The following SCARA3 variants were observed in gnomAD, a reference collection of about 807,000 sequenced individuals.
SCARA3 encodes the protein cellular stress response gene protein.
A neutral mutation model predicts 47.0 loss-of-function variants in SCARA3; 39 were observed. The observed-to-expected ratio is 0.83, with a 90% CI of 0.64 to 1.08. The LOEUF is 1.08. Among genes scored for constraint, SCARA3 ranks in the 50% least tolerant of loss-of-function variants. SCARA3 has a pLI of 0.00. For missense variants in SCARA3, 724 were observed against 792.3 expected, an observed-to-expected ratio of 0.91 and a Z score of 1.04; for synonymous variants, 356 against 334.1, an observed-to-expected ratio of 1.07 and a Z score of -0.71.
At chr8:27,652,572 C>T (rs530056610) in intron 3 of SCARA3, among the ~76,000 whole-genome samples, 1 of 152,326 alleles carries the variant, frequency 6.6e-6, no homozygotes, top group South Asian at 2.1e-4. Flanking sequence ...CTCGTCCTGG[C>T]CCTGGCTGGA....
the SCARA3 span, among the ~76,000 whole-genome samples, chr8:27,720,499 G>A: frequency 1.3e-5 from 2 of 152,032 alleles, no homozygotes; most frequent in African/African-American, 4.8e-5. Flanking sequence ...TATGCATGTG[G>A]GGCTTCAGAA....
At chr8:27,683,604 T>G in the SCARA3 span, among the ~76,000 whole-genome samples, 1 of 152,130 alleles carries the variant, frequency 6.6e-6, no homozygotes, top group Non-Finnish European at 1.5e-5. Context: ...CTTATGAAGG[T>G]AAACACCCAT....
the SCARA3 span, among the ~76,000 whole-genome samples, chr8:27,732,884 A>G: frequency 1.3e-5 from 2 of 152,202 alleles, no homozygotes; most frequent in African/African-American, 4.8e-5. Context: ...CATTCTCACA[A>G]TAGTGTAAAC....
intron 5 of SCARA3, among the ~76,000 whole-genome samples, chr8:27,665,016 C>A (rs1037065975): frequency 4.6e-5 from 7 of 152,200 alleles, no homozygotes; most frequent in Admixed American, 4.6e-4. Flanking sequence ...TTCATTCATC[C>A]AGAGACAGGC....
chr8:27,663,042 AC>A (rs1440720796), intron 5 of SCARA3, among the ~76,000 whole-genome samples: 1 of 152,142 alleles, frequency 6.6e-6, no homozygotes, highest in African/African-American at 2.4e-5. Flanking sequence ...TTTTATTGCC[AC>A]CAGTTTTTCA....
Position 27,672,550 on chromosome 8 carries a change from C to G in SCARA3, c.*1199C>G. 1 of 985,724 alleles carries G rather than the reference C, an allele frequency of 1.0e-6. No homozygotes were observed. Among genetic ancestry groups the G allele is most frequent in the Non-Finnish European group, 1.2e-6 (1 of 830,160 alleles). 61.1% of individuals were successfully genotyped at this position (985,724 alleles called of 1,614,324 possible). On this transcript the variant is annotated 3_prime_UTR_variant, in exon 6 of 6. Coordinates refer to ENST00000301904, the MANE Select transcript of SCARA3 (RefSeq NM_016240.3). ...GGCTCTCCTGATCACAGCTGCATGCCGACCTTGTCCCACCGGGACCCACAA... is the reference window on the plus strand; with the variant it reads ...GGCTCTCCTGATCACAGCTGCATGCGGACCTTGTCCCACCGGGACCCACAA...
the SCARA3 span, among the ~76,000 whole-genome samples, chr8:27,704,280 T>C: frequency 1.3e-5 from 2 of 151,934 alleles, no homozygotes; most frequent in Non-Finnish European, 2.9e-5. Flanking sequence ...ACCTTGTCTC[T>C]ACAAAAATTG....
chr8:27,662,518 T>C (rs1041822066), intron 5 of SCARA3, among the ~76,000 whole-genome samples: 9 of 152,206 alleles, frequency 5.9e-5, no homozygotes, highest in African/African-American at 2.2e-4. Context: ...GGATAAGGCA[T>C]TCTGTGAGTC....
rs1299143003 is a variant in SCARA3, at chr8:27,634,088, G to A, written c.-113G>A. 4.9e-6 allele frequency: 5 copies of A among 1,012,484 alleles called. No homozygotes were observed. The highest frequency in any genetic ancestry group is 5.1e-5 in the South Asian group (2 of 39,242). The allele number at this position is 1,012,484 out of a possible 1,614,324, so 62.7% of individuals were successfully genotyped here. On this transcript the variant is annotated 5_prime_UTR_variant, in exon 1 of 6. Coordinates refer to ENST00000301904, the MANE Select transcript of SCARA3 (RefSeq NM_016240.3). ...GTCCCGGCCGGAGCCCCACGGCCGC[G>A]GGCGGCGCCTAGGACGGCGATCCGC...
At chr8:27,700,612 TAA>T in the SCARA3 span, among the ~76,000 whole-genome samples, 209 of 146,826 alleles carry the variant, frequency 1.4e-3, no homozygotes, top group East Asian at 2.6e-3. Context: ...ACCTCAAAAA[TAA>T]AAAAAAAAAA....
At chr8:27,679,243 C>CA (rs1320237208), downstream of SCARA3, among the ~76,000 whole-genome samples, 2 of 151,840 alleles carry the variant, frequency 1.3e-5, no homozygotes, top group South Asian at 2.1e-4. Flanking sequence ...TACTAAAATA[C>CA]AAAAAATTAG....
Position 27,659,467 on chromosome 8 carries a change from A to G in SCARA3, c.1297A>G (p.Met433Val), listed in dbSNP as rs201645218. 39 of 1,613,910 alleles carry G rather than the reference A, an allele frequency of 2.4e-5. No individual in the cohort carries two copies. Among genetic ancestry groups the G allele is most frequent in the Non-Finnish European group, 3.3e-5 (39 of 1,179,988 alleles). Residue 433 changes from methionine to valine, a missense_variant, in exon 5 of 6, where the codon ATG becomes GTG. By Grantham distance (21) the Met-to-Val change is conservative (BLOSUM62 1). Transcript: ENST00000301904. ...RLDLNVRNLS[M>V]IVEEMKAVDT... is the part of the protein sequence containing the mutation. Reference sequence around the variant, plus strand: ...GGACCTCAACGTCCGGAACCTCTCCATGATCGTGGAGGAGATGAAGGCAGT... The same window carrying G: ...GGACCTCAACGTCCGGAACCTCTCCGTGATCGTGGAGGAGATGAAGGCAGT...
the SCARA3 span, among the ~76,000 whole-genome samples, chr8:27,729,565 C>T: frequency 0.44 from 66,381 of 151,806 alleles, 14,769 homozygotes; most frequent in East Asian, 0.63. Flanking sequence ...CCGAGGCGGG[C>T]GGATTGCCTG....
chr8:27,644,322 C>G (rs1228337475), intron 1 of SCARA3, among the ~76,000 whole-genome samples: 2 of 152,196 alleles, frequency 1.3e-5, no homozygotes, highest in African/African-American at 4.8e-5. Context: ...CTGGCTGTGC[C>G]TTTCACTAGG....
At chr8:27,651,362 G>C in intron 2 of SCARA3, 146 bp from the exon 3 acceptor site, 1 of 943,090 alleles carries the variant, frequency 1.1e-6, no homozygotes, top group Non-Finnish European at 1.5e-6. Flanking sequence ...AGGTAGGACA[G>C]GTAGAGAATG....
At position 27,659,477 on chromosome 8, in the gene SCARA3, A is replaced by T; in HGVS notation, c.1307A>T (p.Glu436Val). 1 of 1,613,978 alleles carries T rather than the reference A, an allele frequency of 6.2e-7. No homozygotes were observed. Among genetic ancestry groups the T allele is most frequent in the Non-Finnish European group, 8.5e-7 (1 of 1,179,968 alleles). Residue 436 changes from glutamate to valine, a missense_variant, in exon 5 of 6, where the codon GAG (glutamate) becomes GTG (valine). By Grantham distance (121) the Glu-to-Val change is moderately radical. Coordinates refer to ENST00000301904, the MANE Select transcript of SCARA3 (RefSeq NM_016240.3). ...GTCCGGAACCTCTCCATGATCGTGG[A>T]GGAGATGAAGGCAGTGGACACACAG... ...LNVRNLSMIV[E>V]EMKAVDTQHG...
Position 27,671,926 on chromosome 8 carries a change from G to T in SCARA3, c.*575G>T, listed in dbSNP as rs1436802158. The T allele has an allele frequency of 5.1e-6, 5 of 985,346 alleles. No individual in the cohort carries two copies. The South Asian group carries it at 2.3e-4, about 46-fold the overall frequency. 61.0% of individuals were successfully genotyped at this position (985,346 alleles called of 1,614,324 possible). A position where few individuals can be genotyped will look rare whatever the true frequency, so the allele number is the denominator to read the frequency against. The stretch of plus-strand genomic sequence containing the variant: ...GACCCCCTCTCCTGTGACTGAGCCT[G>T]CCAGGGAGGCAGCTACCTCGGGAGG... On this transcript the variant is annotated 3_prime_UTR_variant, in exon 6 of 6. Coordinates refer to ENST00000301904, the MANE Select transcript of SCARA3 (RefSeq NM_016240.3).
At chr8:27,634,774 C>G (rs1420635034) in intron 1 of SCARA3, among the ~76,000 whole-genome samples, 1 of 152,206 alleles carries the variant, frequency 6.6e-6, no homozygotes, top group African/African-American at 2.4e-5. Flanking sequence ...GGGGAAGCCC[C>G]ATGGGCCAGG....
chr8:27,715,846 A>ATAGG, the SCARA3 span, among the ~76,000 whole-genome samples: 2,185 of 145,068 alleles, frequency 0.015, 27 homozygotes, highest in Middle Eastern at 0.029. This position sits in a 1 kb window ranked among gnomAD's most constrained non-coding sequence, Gnocchi z 4.2. Flanking sequence ...AGATAGATAG[A>ATAGG]TAGATAGATA....
Sources: gnomAD v4.1 joint callset for allele counts (sites outside exome capture counted in the v4.1 genomes callset) on GRCh38, gnomAD v4.1.1 for gene constraint, Gnocchi (gnomAD v3.1) non-coding constraint, MANE v1.5 for transcripts, NCBI Gene and HGNC (gene_info 2026-07-23, HGNC 2026-07-21) for gene names.